FBLN2: variants seen among roughly 807,000 people sequenced by gnomAD.
FBLN2 encodes the protein fibulin-2.
In FBLN2, 81 loss-of-function variants were observed where a neutral mutation model predicts 123.7. That is an observed-to-expected ratio of 0.65 (90% CI 0.55 to 0.79). FBLN2 has a LOEUF of 0.79. FBLN2 is among the 30% of genes least tolerant of loss of function. The probability of loss-of-function intolerance (pLI) is 0.00; values close to 1 mark genes in which losing one functional copy is unlikely to be tolerated. For synonymous variants in FBLN2, 699 were observed against 701.4 expected, an observed-to-expected ratio of 1.00 and a Z score of 0.05; for missense variants, 1,603 against 1,681.3, an observed-to-expected ratio of 0.95 and a Z score of 0.81.
rs1226127090 is a variant in FBLN2 at position 13,627,980 on chromosome 3, G to A, written c.2569+11G>A. 1.7e-5 allele frequency: 28 copies of A among 1,611,750 alleles called. No individual in the cohort carries two copies. The highest frequency in any genetic ancestry group is 5.0e-5 in the Admixed American group (3 of 59,842). ...AAGGCAACTGTGTGGGTGAGCGGGG[G>A]CTGCAGGGCTGGGGATCATCAGCCT... On this transcript the variant is annotated intron_variant, in intron 11 of 17. Transcript: ENST00000404922.
chr3:13,568,680 C>T (rs539099981), intron 1 of FBLN2: 7 of 777,326 alleles, frequency 9.0e-6, no homozygotes, highest in African/African-American at 7.5e-5. Context: ...AGAAGCCCTC[C>T]TCTTCCGCCG....
chr3:13,559,222 A>G (rs1703544586), intron 1 of FBLN2, among the ~76,000 whole-genome samples: 1 of 148,128 alleles, frequency 6.8e-6, no homozygotes, highest in African/African-American at 2.5e-5. Flanking sequence ...GTTGCAAGGG[A>G]CAGAAAACCT....
intron 1 of FBLN2, among the ~76,000 whole-genome samples, chr3:13,568,153 G>A (rs12714887): frequency 0.81 from 122,690 of 152,038 alleles, 50,035 homozygotes; most frequent in East Asian, 1. Flanking sequence ...GTCAGCCCTC[G>A]AGGCCCCAGA....
intron 2 of FBLN2, among the ~76,000 whole-genome samples, chr3:13,599,627 T>G (rs1364345570): frequency 7.5e-4 from 95 of 127,388 alleles, no homozygotes; most frequent in African/African-American, 1.6e-3. Flanking sequence ...CAGGAGGGGG[T>G]GGTGGAGGAG....
At chr3:13,553,601 G>T (rs1703384265) in intron 1 of FBLN2, among the ~76,000 whole-genome samples, 2 of 152,244 alleles carry the variant, frequency 1.3e-5, no homozygotes, top group Admixed American at 1.3e-4. Flanking sequence ...TCAGTTATTG[G>T]AATTTGGAAA....
chr3:13,558,135 C>G (rs558922785), intron 1 of FBLN2, among the ~76,000 whole-genome samples: 15 of 152,202 alleles, frequency 9.9e-5, no homozygotes, highest in Non-Finnish European at 1.6e-4. Flanking sequence ...CTGGGCTGCC[C>G]GCTCCCCTGG....
chr3:13,636,654 C>A, intron 17 of FBLN2, 86 bp downstream of exon 17: 1 of 1,475,474 alleles, frequency 6.8e-7, no homozygotes, highest in Non-Finnish European at 9.1e-7. Context: ...TGGGCGCCTG[C>A]CTTGATCACC....
chr3:13,618,792 G>A (rs1356693398), intron 6 of FBLN2, 112 bp from the exon 7 acceptor site: 2 of 703,720 alleles, frequency 2.8e-6, no homozygotes, highest in Non-Finnish European at 2.5e-6. Context: ...AATGGGGTGG[G>A]GGATTAAATG....
At chr3:13,583,627 C>T (rs1041335727) in intron 2 of FBLN2, among the ~76,000 whole-genome samples, 18 of 152,382 alleles carry the variant, frequency 1.2e-4, no homozygotes, top group African/African-American at 4.3e-4. Flanking sequence ...ACCCCTCAGG[C>T]CTCTCCCTGG....
chr3:13,584,932 A>C (rs1704450112), intron 2 of FBLN2, among the ~76,000 whole-genome samples: 1 of 152,232 alleles, frequency 6.6e-6, no homozygotes, highest in African/African-American at 2.4e-5. Context: ...CTCAGGGCAC[A>C]GGTCTAAGCT....
At chr3:13,630,013 G>A in intron 14 of FBLN2, 68 bp downstream of exon 14, 3 of 1,585,964 alleles carry the variant, frequency 1.9e-6, no homozygotes, top group South Asian at 1.1e-5. Context: ...GCCGTGGAAG[G>A]CCCAGAGCCT....
rs962782444 is a variant in FBLN2, at chr3:13,629,405, C to T, written c.2842+113C>T. 4 of 1,366,852 alleles carry T rather than the reference C, an allele frequency of 2.9e-6. No homozygotes were observed. In the Admixed American group the frequency reaches 9.8e-5, roughly 33 times the overall value. The allele number at this position is 1,366,852 out of a possible 1,614,324, so 84.7% of individuals were successfully genotyped here. On this transcript the variant is annotated intron_variant, in intron 13 of 17. Coordinates refer to ENST00000404922, the MANE Select transcript of FBLN2 (RefSeq NM_001004019.2). The stretch of plus-strand genomic sequence containing the variant: ...CCACTGCCTGAGTGGGGCCCACCTG[C>T]TGGAGTCCACAAGGTCGCCTTCCAG...
intron 7 of FBLN2, 109 bp from the exon 8 acceptor site, chr3:13,619,621 G>C: frequency 2.4e-6 from 2 of 827,500 alleles, no homozygotes; most frequent in Non-Finnish European, 3.9e-6. Context: ...CCTTCTAGGG[G>C]CCTTGTTTCT....
chr3:13,615,666 C>G (rs1325538702), intron 5 of FBLN2, among the ~76,000 whole-genome samples: 3 of 152,224 alleles, frequency 2.0e-5, no homozygotes, highest in Non-Finnish European at 4.4e-5. Context: ...CCTAGTGATG[C>G]ATTCAGCATT....
rs1451140821 is a variant in FBLN2, at chr3:13,571,510, C to A, written c.1155C>A (p.Pro385=). ...GSPRDPVKPS[P]HNILSTSLPD... The stretch of plus-strand genomic sequence containing the variant: ...CCAGGGACCCAGTCAAGCCCAGCCC[C>A]CACAACATCCTGTCCACATCACTGC... Residue 385 remains proline, a synonymous_variant, in exon 2 of 18, where the codon CCC becomes CCA. Coordinates refer to ENST00000404922, the MANE Select transcript of FBLN2 (RefSeq NM_001004019.2). 2 of 1,613,556 alleles carry A rather than the reference C, an allele frequency of 1.2e-6. No individual in the cohort carries two copies. The highest frequency in any genetic ancestry group is 1.7e-6 in the Non-Finnish European group (2 of 1,179,876).
chr3:13,580,570 C>G (rs1020430542), intron 2 of FBLN2, among the ~76,000 whole-genome samples: 2 of 152,086 alleles, frequency 1.3e-5, no homozygotes, highest in Non-Finnish European at 2.9e-5. Flanking sequence ...TGGACTTTGC[C>G]AGTCTGAGAG....
chr3:13,549,999 T>G (rs771282303), intron 1 of FBLN2, among the ~76,000 whole-genome samples: 91 of 152,206 alleles, frequency 6.0e-4, no homozygotes, highest in Non-Finnish European at 1.1e-3. Flanking sequence ...GGGGTAGCTA[T>G]CACATGCATA....
chr3:13,607,834 T>C (rs1002622558), intron 2 of FBLN2, among the ~76,000 whole-genome samples: 1 of 152,056 alleles, frequency 6.6e-6, no homozygotes, highest in Non-Finnish European at 1.5e-5. Context: ...TCTGGCCCCA[T>C]GTTAACCTGT....
chr3:13,569,978 ATG>A (rs374444161), intron 1 of FBLN2, among the ~76,000 whole-genome samples: 4 of 151,842 alleles, frequency 2.6e-5, no homozygotes, highest in Non-Finnish European at 5.9e-5. Flanking sequence ...GGGGCTGTGC[ATG>A]TGTGTGTGTG....
Sources: gnomAD v4.1 joint callset for allele counts (sites outside exome capture counted in the v4.1 genomes callset) on GRCh38, gnomAD v4.1.1 for gene constraint, MANE v1.5 for transcripts, NCBI Gene and HGNC (gene_info 2026-07-23, HGNC 2026-07-21) for gene names.